The following LRRN2 variants were observed in gnomAD, a reference collection of about 807,000 sequenced individuals.
LRRN2 encodes leucine rich repeat neuronal 2.
A neutral mutation model predicts 35.7 loss-of-function variants in LRRN2; 10 were observed. The ratio of observed to expected loss-of-function variants is 0.28; its 90% confidence interval spans 0.17 to 0.47. LRRN2 has a LOEUF of 0.47. Ranked by LOEUF, LRRN2 falls within the 20% of genes least tolerant of loss-of-function variation. The probability of loss-of-function intolerance (pLI) is 0.99; values close to 1 mark genes in which losing one functional copy is unlikely to be tolerated. For missense variants in LRRN2, 731 were observed against 940.3 expected, an observed-to-expected ratio of 0.78 and a Z score of 2.91; for synonymous variants, 391 against 409.6, an observed-to-expected ratio of 0.95 and a Z score of 0.55.
At position 204,619,454 on chromosome 1, in the gene LRRN2, A is replaced by G. The variant is rs111660514; in HGVS notation, c.539T>C (p.Ile180Thr). The G allele has an allele frequency of 6.2e-7, 1 of 1,614,250 alleles. No individual in the cohort carries two copies. Among genetic ancestry groups the G allele is most frequent in the Non-Finnish European group, 8.5e-7 (1 of 1,180,040 alleles). Residue 180 changes from isoleucine (I) to threonine (T), a missense_variant, in exon 2 of 2, where the codon ATT becomes ACT. Transcript: ENST00000367177. ...CAGCATTTCAAACCAGCGGCTGTCA[A>G]TGGCCCTCAGGAGGTTGGAGTTGAG... is the stretch of plus-strand genomic sequence containing the variant. ...LHLNSNLLRA[I>T]DSRWFEMLPN...
At chr1:204,643,722 C>T (rs765464894) in intron 1 of LRRN2, among the ~76,000 whole-genome samples, 3 of 152,016 alleles carry the variant, frequency 2.0e-5, no homozygotes, top group African/African-American at 4.8e-5. Context: ...CTGGTGACAG[C>T]CTTCTAATGA....
chr1:204,676,173 T>TAC (rs1491464491), intron 1 of LRRN2, among the ~76,000 whole-genome samples: 2 of 142,846 alleles, frequency 1.4e-5, no homozygotes, highest in Non-Finnish European at 3.1e-5. Flanking sequence ...TGTGTGTGTG[T>TAC]ACCCACCCAT....
At chr1:204,685,041 G>A (rs1669038739) in intron 1 of LRRN2, among the ~76,000 whole-genome samples, 1 of 152,070 alleles carries the variant, frequency 6.6e-6, no homozygotes, top group Admixed American at 6.5e-5. Context: ...CCGCTTCTGG[G>A]CATTCTCCAG....
In LRRN2 at chr1:204,617,958, C is replaced by T. The variant is rs1212637328; in HGVS notation, c.2035G>A (p.Val679Ile). Residue 679 changes from valine to isoleucine, a missense_variant, in exon 2 of 2, where the codon GTC becomes ATC. Transcript: ENST00000367177. The part of the protein sequence containing the change: ...WAFWGWSAPS[V>I]RVVSAPLVLP... ...ACGAGGGGAGCAGACACAACCCGGA[C>T]AGAAGGGGCACTCCAGCCCCAGAAA... The T allele has an allele frequency of 1.2e-6, 2 of 1,613,932 alleles. No individual in the cohort carries two copies. Among genetic ancestry groups the T allele is most frequent in the Admixed American group, 1.7e-5 (1 of 60,022 alleles).
At chr1:204,652,271 G>GCCCCCCCGCCCCCCCCGC (rs1301402688) in intron 1 of LRRN2, among the ~76,000 whole-genome samples, 46 of 70,630 alleles carry the variant, frequency 6.5e-4, no homozygotes, top group African/African-American at 3.1e-3. Flanking sequence ...CCCCCCCCCC[G>GCCCCCCCGCCCCCCCCGC]CCCCCCCGCC....
intron 1 of LRRN2, among the ~76,000 whole-genome samples, chr1:204,678,731 T>G (rs1668876974): frequency 6.6e-6 from 1 of 151,932 alleles, no homozygotes; most frequent in Non-Finnish European, 1.5e-5. Flanking sequence ...CACCCCCTCA[T>G]CTCTCCTCAG....
intron 1 of LRRN2, among the ~76,000 whole-genome samples, chr1:204,680,329 A>C (rs1339113897): frequency 6.6e-6 from 1 of 152,226 alleles, no homozygotes; most frequent in Non-Finnish European, 1.5e-5. Flanking sequence ...AGAAGCTGAG[A>C]AACAGTTATT....
At chr1:204,634,468 A>C (rs1667784123) in intron 1 of LRRN2, among the ~76,000 whole-genome samples, 1 of 152,234 alleles carries the variant, frequency 6.6e-6, no homozygotes, top group African/African-American at 2.4e-5. Context: ...ATTTGGAAAT[A>C]GGGTCTGAAG....
intron 1 of LRRN2, among the ~76,000 whole-genome samples, chr1:204,679,922 G>A (rs1668910005): frequency 6.6e-6 from 1 of 152,228 alleles, no homozygotes; most frequent in South Asian, 2.1e-4. Flanking sequence ...TCCCGAAAAG[G>A]AGACAGGCAG....
chr1:204,629,072 C>T (rs1449387553), intron 1 of LRRN2: 2 of 152,304 alleles, frequency 1.3e-5, no homozygotes, highest in Non-Finnish European at 2.9e-5. Context: ...TGTAGCATGG[C>T]TCCTCTAGCA....
chr1:204,643,659 A>T (rs555799697), intron 1 of LRRN2, among the ~76,000 whole-genome samples: 2 of 152,132 alleles, frequency 1.3e-5, no homozygotes, highest in East Asian at 3.9e-4. Flanking sequence ...TGCCTTCCTC[A>T]TCGCCTCATT....
chr1:204,666,962 CAAAAA>C (rs34503593), intron 1 of LRRN2, among the ~76,000 whole-genome samples: 7 of 64,814 alleles, frequency 1.1e-4, no homozygotes, highest in South Asian at 7.7e-4. Context: ...ACTCTGTCTC[CAAAAA>C]AAAAAAAAAA....
chr1:204,670,423 G>C (rs1347346136), intron 1 of LRRN2, among the ~76,000 whole-genome samples: 1 of 152,196 alleles, frequency 6.6e-6, no homozygotes, highest in Non-Finnish European at 1.5e-5. Flanking sequence ...TGTCAAGTCT[G>C]AGGTTTCTTG....
chr1:204,649,880 GCAAA>G lies in LRRN2; in HGVS notation c.-226-29666_-226-29663del, dbSNP rs572246671. On this transcript the variant is annotated intron_variant, in intron 1 of 1. Transcript: ENST00000367177. Reference sequence around the variant, plus strand: ...GCAGAGGCAACCTGGCGTGAAGAAGGCAAACAGACACTCCTGGAAGCAGGGTCCC... The same window carrying G: ...GCAGAGGCAACCTGGCGTGAAGAAGGCAGACACTCCTGGAAGCAGGGTCCC... Among the ~76,000 whole-genome samples, 48 of 152,306 alleles carry G rather than the reference GCAAA, an allele frequency of 3.2e-4. 2 individuals are homozygous for G. In the South Asian group the frequency reaches 4.4e-3, roughly 14 times the overall value.
chr1:204,660,345 T>C (rs1668444998), intron 1 of LRRN2, among the ~76,000 whole-genome samples: 1 of 152,210 alleles, frequency 6.6e-6, no homozygotes, highest in African/African-American at 2.4e-5. Context: ...CTCACTTTCT[T>C]TCTTTTCCTC....
intron 1 of LRRN2, among the ~76,000 whole-genome samples, chr1:204,672,533 C>G (rs893694734): frequency 3.9e-5 from 6 of 152,278 alleles, no homozygotes; most frequent in African/African-American, 1.4e-4. Context: ...CTCTCCAGGG[C>G]CCCAGCTATC....
In LRRN2 at chr1:204,678,931, C is replaced by T. The variant is rs114606533; in HGVS notation, c.-227+6389G>A. On this transcript the variant is annotated intron_variant, in intron 1 of 1. Transcript: ENST00000367177. ...CAATAAACTAAAAGCTCCTGAAGGG[C>T]AGAGGTCTGTCTGGTCATTCACTGC... Among the ~76,000 whole-genome samples the T allele has an allele frequency of 9.9e-3, 1,502 of 152,302 alleles. 16 individuals carry two copies. Among genetic ancestry groups the T allele is most frequent in the Non-Finnish European group, 0.015 (1,054 of 68,034 alleles).
intron 1 of LRRN2, among the ~76,000 whole-genome samples, chr1:204,627,845 T>G (rs1293441921): frequency 6.6e-6 from 1 of 152,228 alleles, no homozygotes; most frequent in African/African-American, 2.4e-5. Flanking sequence ...CCGACCAGAC[T>G]GTGAGCTCCT....
intron 1 of LRRN2, among the ~76,000 whole-genome samples, chr1:204,661,209 A>C (rs947281346): frequency 2.0e-5 from 3 of 152,194 alleles, no homozygotes; most frequent in African/African-American, 7.2e-5. Context: ...GGAGCAAAAG[A>C]ATACAAATAC....
Sources: allele counts gnomAD v4.1 joint callset (sites outside exome capture counted in the v4.1 genomes callset), GRCh38; gene constraint gnomAD v4.1.1; transcripts MANE v1.5; gene names NCBI Gene and HGNC (gene_info 2026-07-23, HGNC 2026-07-21).